Variants in LINGO2 observed in about 807,000 individuals in gnomAD.
LINGO2 encodes leucine-rich repeat and immunoglobulin-like domain-containing nogo receptor-interacting protein 2.
Under a neutral mutation model 30.6 loss-of-function variants are expected in LINGO2, and 14 were observed. That is an observed-to-expected ratio of 0.46 (90% CI 0.30 to 0.72). LINGO2 has a LOEUF of 0.72. LINGO2 is among the 30% of genes least tolerant of loss of function. LINGO2 has a pLI of 0.07. For missense variants in LINGO2, 729 were observed against 751.7 expected, an observed-to-expected ratio of 0.97 and a Z score of 0.35; for synonymous variants, 317 against 288.5, an observed-to-expected ratio of 1.10 and a Z score of -1.00.
At chr9:28,137,417 C>A (rs987588572) in intron 4 of LINGO2, among the ~76,000 whole-genome samples, 5 of 152,016 alleles carry the variant, frequency 3.3e-5, no homozygotes, top group African/African-American at 1.2e-4. Flanking sequence ...TACAACAAAC[C>A]TGCTCTAGAG....
At chr9:28,253,781 C>T (rs1822288710) in intron 4 of LINGO2, among the ~76,000 whole-genome samples, 1 of 151,990 alleles carries the variant, frequency 6.6e-6, no homozygotes, top group Admixed American at 6.6e-5. Context: ...ATGGGGATCA[C>T]AATAGTCTAG....
At chr9:28,089,241 C>A (rs1826003517) in intron 4 of LINGO2, among the ~76,000 whole-genome samples, 1 of 152,156 alleles carries the variant, frequency 6.6e-6, no homozygotes, top group South Asian at 2.1e-4. Context: ...GAACTCTCCA[C>A]CCCAAATCAA....
At chr9:28,254,688 G>C (rs1424378348) in intron 4 of LINGO2, among the ~76,000 whole-genome samples, 2 of 152,086 alleles carry the variant, frequency 1.3e-5, no homozygotes, top group East Asian at 3.9e-4. Flanking sequence ...ATTTGCTTTT[G>C]GCTAGAAGAT....
intron 5 of LINGO2, among the ~76,000 whole-genome samples, chr9:27,997,550 T>G (rs1431294919): frequency 1.3e-5 from 2 of 152,216 alleles, no homozygotes; most frequent in African/African-American, 4.8e-5. Flanking sequence ...TACTAAGTAC[T>G]TTTATGCTCA....
chr9:29,035,539 G>A, the LINGO2 span, among the ~76,000 whole-genome samples: 2 of 142,868 alleles, frequency 1.4e-5, no homozygotes, highest in African/African-American at 2.6e-5. Flanking sequence ...AGAAGGAAGA[G>A]CTCAAGGTAC....
At chr9:28,968,942 T>C in the LINGO2 span, among the ~76,000 whole-genome samples, 78,740 of 151,906 alleles carry the variant, frequency 0.52, 21,539 homozygotes, top group Non-Finnish European at 0.6. Context: ...CAAAGGAACA[T>C]AGTGATTCTT....
intron 1 of LINGO2, among the ~76,000 whole-genome samples, chr9:28,543,103 G>A (rs769180249): frequency 1.5e-4 from 23 of 152,046 alleles, no homozygotes; most frequent in Admixed American, 3.9e-4. Context: ...GCAAAATGAC[G>A]TATTTAGTAC....
chr9:28,483,297 G>T (rs760141355), intron 1 of LINGO2, among the ~76,000 whole-genome samples: 20 of 151,982 alleles, frequency 1.3e-4, no homozygotes, highest in Non-Finnish European at 2.5e-4. Flanking sequence ...TTTGTGTACT[G>T]CAGGCATTTT....
the LINGO2 span, among the ~76,000 whole-genome samples, chr9:29,108,802 G>A: frequency 6.6e-6 from 1 of 152,176 alleles, no homozygotes; most frequent in Non-Finnish European, 1.5e-5. Context: ...CACCAACACT[G>A]TGTTGGGGGT....
the LINGO2 span, among the ~76,000 whole-genome samples, chr9:28,991,946 A>C: frequency 6.6e-6 from 1 of 152,204 alleles, no homozygotes; most frequent in African/African-American, 2.4e-5. Flanking sequence ...GCTAGGAATA[A>C]ACTGCATCAA....
chr9:27,955,404 A>G (rs1819514722), intron 5 of LINGO2, among the ~76,000 whole-genome samples: 1 of 152,204 alleles, frequency 6.6e-6, no homozygotes, highest in Admixed American at 6.5e-5. Context: ...ACACCTTTGT[A>G]AGCACCATCA....
At chr9:28,778,596 G>T in the LINGO2 span, among the ~76,000 whole-genome samples, 1 of 152,058 alleles carries the variant, frequency 6.6e-6, no homozygotes, top group Non-Finnish European at 1.5e-5. Flanking sequence ...CATTTACAAA[G>T]GCCAGAGTAT....
chr9:28,413,667 G>A (rs1189680660), intron 2 of LINGO2, among the ~76,000 whole-genome samples: 1 of 152,076 alleles, frequency 6.6e-6, no homozygotes, highest in Admixed American at 6.6e-5. Context: ...GGGTTCAACA[G>A]ATTACTTCTG....
chr9:28,549,644 T>A (rs939836799), intron 1 of LINGO2, among the ~76,000 whole-genome samples: 23 of 151,970 alleles, frequency 1.5e-4, no homozygotes, highest in African/African-American at 5.6e-4. Context: ...AATATTTTAG[T>A]ATTTTTTTTT....
rs142702231 is a variant in LINGO2, at chr9:28,270,369, G to A, written c.-87+24839C>T. Among the ~76,000 whole-genome samples, 92 of 152,062 alleles carry A rather than the reference G, an allele frequency of 6.1e-4. No homozygotes were observed. The East Asian group carries it at 0.015, about 25-fold the overall frequency. On this transcript the variant is annotated intron_variant, in intron 4 of 5. Transcript: ENST00000379992. Reference sequence around the variant, plus strand: ...CCAGATCAGTGGGAGGAGGCCTTTGGCTGGCAGCACTAGCAATCTAGCACC... The same window carrying A: ...CCAGATCAGTGGGAGGAGGCCTTTGACTGGCAGCACTAGCAATCTAGCACC...
At chr9:28,701,999 G>C in the LINGO2 span, among the ~76,000 whole-genome samples, 1 of 151,892 alleles carries the variant, frequency 6.6e-6, no homozygotes, top group Non-Finnish European at 1.5e-5. Flanking sequence ...AAACACTTAT[G>C]AGTTCCAGGA....
chr9:29,169,999 A>G, the LINGO2 span, among the ~76,000 whole-genome samples: 5 of 152,252 alleles, frequency 3.3e-5, no homozygotes, highest in East Asian at 1.9e-4. Context: ...TATAAAAACA[A>G]ACAAACAAAA....
At chr9:28,160,738 A>G (rs1489220640) in intron 4 of LINGO2, among the ~76,000 whole-genome samples, 1 of 152,218 alleles carries the variant, frequency 6.6e-6, no homozygotes, top group East Asian at 1.9e-4. Flanking sequence ...TGCTGGGAAC[A>G]GTGTCTGGTA....
the LINGO2 span, among the ~76,000 whole-genome samples, chr9:28,678,368 C>T: frequency 3.9e-4 from 60 of 152,124 alleles, 1 homozygote; most frequent in Middle Eastern, 3.4e-3. Flanking sequence ...CTTCTTTCTT[C>T]AGGTATCAGC....
Sources: allele counts gnomAD v4.1 joint callset (sites outside exome capture counted in the v4.1 genomes callset), GRCh38; gene constraint gnomAD v4.1.1; transcripts MANE v1.5; gene names NCBI Gene and HGNC (gene_info 2026-07-23, HGNC 2026-07-21).